Variants in CDH23 observed in about 807,000 individuals in gnomAD.
CDH23 encodes cadherin related 23.
CDH23 carries 189 observed loss-of-function variants against 317.1 expected under a neutral mutation model. That is an observed-to-expected ratio of 0.60 (90% CI 0.53 to 0.67). The LOEUF (loss-of-function observed/expected upper bound fraction) is 0.67. CDH23 is among the 30% of genes least tolerant of loss of function. The pLI is 0.00. For missense variants in CDH23, 4,401 were observed against 4,592.4 expected, an observed-to-expected ratio of 0.96 and a Z score of 1.20; for synonymous variants, 1,839 against 1,876.8, an observed-to-expected ratio of 0.98 and a Z score of 0.52.
At chr10:71,473,420 G>A (rs1003823109) in intron 3 of CDH23, among the ~76,000 whole-genome samples, 4 of 152,308 alleles carry the variant, frequency 2.6e-5, no homozygotes, top group African/African-American at 4.8e-5. Context: ...ACTGTGTGCC[G>A]GATATGATGT....
intron 14 of CDH23, among the ~76,000 whole-genome samples, chr10:71,662,005 G>A (rs1359487884): frequency 2.7e-5 from 4 of 150,246 alleles, no homozygotes; most frequent in Admixed American, 1.3e-4. Flanking sequence ...CCTGGGCTGC[G>A]TGGGCCCAGG....
At chr10:71,584,079 G>A (rs559590428) in intron 9 of CDH23, among the ~76,000 whole-genome samples, 2 of 152,296 alleles carry the variant, frequency 1.3e-5, no homozygotes, top group South Asian at 2.1e-4. Flanking sequence ...GCTGGTCTGG[G>A]GACCACACTT....
intron 55 of CDH23, among the ~76,000 whole-genome samples, chr10:71,805,096 A>C (rs1042968629): frequency 3.3e-5 from 5 of 152,226 alleles, no homozygotes; most frequent in Non-Finnish European, 7.3e-5. Flanking sequence ...TGCTGAGCTG[A>C]TCATTTTTCA....
chr10:71,624,539 A>C (rs764018869), intron 11 of CDH23, among the ~76,000 whole-genome samples: 3 of 152,138 alleles, frequency 2.0e-5, no homozygotes, highest in African/African-American at 7.2e-5. Context: ...CCAACCCATA[A>C]AAAGCACTCT....
At chr10:71,736,054 G>A (rs1308520410) in intron 34 of CDH23, among the ~76,000 whole-genome samples, 1 of 152,278 alleles carries the variant, frequency 6.6e-6, no homozygotes, top group African/African-American at 2.4e-5. Flanking sequence ...GGAGAGGCCA[G>A]TGGGAGCCCA....
At chr10:71,800,450 C>T (rs1489975359) in intron 52 of CDH23, among the ~76,000 whole-genome samples, 186 bp from the exon 53 acceptor site, 1 of 152,120 alleles carries the variant, frequency 6.6e-6, no homozygotes, top group South Asian at 2.1e-4. Flanking sequence ...CACCCCATCC[C>T]CAGGTAGGTT....
intron 61 of CDH23, 33 bp from the exon 62 acceptor site, chr10:71,810,439 T>C (rs755925028): frequency 4.4e-6 from 7 of 1,593,192 alleles, no homozygotes; most frequent in Non-Finnish European, 6.0e-6. Flanking sequence ...CCTGCTGTGG[T>C]GGCCACACCC....
chr10:71,583,000 T>C (rs1372671369), intron 9 of CDH23, among the ~76,000 whole-genome samples: 1 of 152,002 alleles, frequency 6.6e-6, no homozygotes, highest in Non-Finnish European at 1.5e-5. Context: ...TGTTCAAAAA[T>C]ATCCATGATA....
At chr10:71,569,459 G>A (rs1260012094) in intron 7 of CDH23, among the ~76,000 whole-genome samples, 1 of 152,234 alleles carries the variant, frequency 6.6e-6, no homozygotes. Flanking sequence ...GTTCGAGCCT[G>A]AGGGGCCTTA....
intron 38 of CDH23, among the ~76,000 whole-genome samples, chr10:71,760,295 AT>A (rs1840341809): frequency 9.2e-6 from 1 of 108,408 alleles, no homozygotes; most frequent in Non-Finnish European, 2.2e-5. Context: ...ATATGTGTAT[AT>A]ATATGTATAT....
At chr10:71,662,359 G>C (rs1863711378) in intron 14 of CDH23, among the ~76,000 whole-genome samples, 1 of 152,134 alleles carries the variant, frequency 6.6e-6, no homozygotes, top group African/African-American at 2.4e-5. Context: ...TGTCCCTGGA[G>C]CATAGGCAGT....
In CDH23 at chr10:71,734,285, T is replaced by C; in HGVS notation, c.4150T>C (p.Phe1384Leu). 1 of 1,612,654 alleles carries C rather than the reference T, an allele frequency of 6.2e-7. No individual in the cohort carries two copies. The highest frequency in any genetic ancestry group is 8.5e-7 in the Non-Finnish European group (1 of 1,179,386). ...QGLVDREKGD[F>L]YTLTVVADDG... ...CCTGGTGGACCGTGAGAAGGGCGAC[T>C]TCTATACCTTGACAGTGGTGGCAGA... is the stretch of plus-strand genomic sequence containing the variant. The change falls in exon 33 of 70, where the codon TTC becomes CTC. Residue 1384 changes from phenylalanine (F) to leucine (L), a missense_variant. Phe to Leu is a conservative substitution (Grantham distance 22, BLOSUM62 0). Around this residue, in one of 3 missense-constraint regions of CDH23, gnomAD observed 3,068 missense variants for 3,203.3 expected, o/e 0.96. Transcript: ENST00000224721.
intron 6 of CDH23, among the ~76,000 whole-genome samples, chr10:71,547,964 A>G (rs1301626468): frequency 6.6e-6 from 1 of 152,204 alleles, no homozygotes; most frequent in Non-Finnish European, 1.5e-5. Flanking sequence ...GAGCCGGAAG[A>G]GAGGCCCCGT....
At chr10:71,404,671 C>T (rs1053141512) in intron 1 of CDH23, among the ~76,000 whole-genome samples, 8 of 152,322 alleles carry the variant, frequency 5.3e-5, no homozygotes, top group African/African-American at 9.6e-5. Flanking sequence ...TTGAGGAGGG[C>T]GGGCATGCCT....
chr10:71,590,681 C>A (rs1054493287), intron 9 of CDH23, among the ~76,000 whole-genome samples: 3 of 151,914 alleles, frequency 2.0e-5, no homozygotes, highest in Non-Finnish European at 4.4e-5. Context: ...GGATTTGAGT[C>A]CCTGGGATGC....
intron 3 of CDH23, among the ~76,000 whole-genome samples, chr10:71,447,258 G>A (rs1199375774): frequency 6.6e-6 from 1 of 152,142 alleles, no homozygotes; most frequent in South Asian, 2.1e-4. Context: ...AGGATGGCTC[G>A]GAGTGGGGCG....
chr10:71,465,228 A>G (rs2132071254), intron 3 of CDH23, among the ~76,000 whole-genome samples: 1 of 152,352 alleles, frequency 6.6e-6, no homozygotes, highest in East Asian at 1.9e-4. Flanking sequence ...GTGTTTCCAT[A>G]ATGGCAGTGA....
chr10:71,471,423 C>T (rs1045801397), intron 3 of CDH23, among the ~76,000 whole-genome samples: 3 of 152,224 alleles, frequency 2.0e-5, no homozygotes, highest in Admixed American at 2.0e-4. Context: ...TGTGCCTTCT[C>T]TGTCTCCGTC....
intron 3 of CDH23, among the ~76,000 whole-genome samples, chr10:71,473,582 GT>G (rs1851628542): frequency 6.6e-6 from 1 of 152,204 alleles, no homozygotes; most frequent in Non-Finnish European, 1.5e-5. Context: ...CCCAGGGCAA[GT>G]TCCTCAACCT....
Sources: allele counts gnomAD v4.1 joint callset (sites outside exome capture counted in the v4.1 genomes callset), GRCh38; gene constraint gnomAD v4.1.1; regional missense constraint gnomAD v4.1.1; transcripts MANE v1.5; gene names NCBI Gene and HGNC (gene_info 2026-07-23, HGNC 2026-07-21).